The following FMNL2 variants were observed in gnomAD, a reference collection of about 807,000 sequenced individuals.
The protein encoded by FMNL2 is formin-like protein 2.
FMNL2 carries 51 observed loss-of-function variants against 130.2 expected under a neutral mutation model. The observed-to-expected ratio is 0.39, with a 90% CI of 0.31 to 0.49. The LOEUF is 0.49. FMNL2 is among the 20% of genes least tolerant of loss of function. The pLI, the probability that FMNL2 is intolerant of heterozygous loss-of-function variation, is 0.85. For synonymous variants in FMNL2, 465 were observed against 467.1 expected, an observed-to-expected ratio of 1.00 and a Z score of 0.06; for missense variants, 977 against 1,316.2, an observed-to-expected ratio of 0.74 and a Z score of 3.99.
intron 1 of FMNL2, among the ~76,000 whole-genome samples, chr2:152,472,422 G>T (rs916190425): frequency 1.3e-5 from 2 of 152,038 alleles, no homozygotes; most frequent in Non-Finnish European, 2.9e-5. Flanking sequence ...TCTTTTAAAA[G>T]AACTCATTTT....
chr2:152,646,343 ACC>A lies in FMNL2; in HGVS notation c.3170-1447_3170-1446del, dbSNP rs5835441. Among the ~76,000 whole-genome samples, 35 of 150,536 alleles carry A rather than the reference ACC, an allele frequency of 2.3e-4. No individual in the cohort carries two copies. The East Asian group carries it at 5.6e-3, about 24-fold the overall frequency. On this transcript the variant is annotated intron_variant, in intron 25 of 25. Coordinates refer to ENST00000288670, the MANE Select transcript of FMNL2 (RefSeq NM_052905.4). ...TGTCCTCCCCTCACAACCCCCGCCC[ACC>A]CCCCCAGAAAAGAGTAGGGCAGGGT...
At chr2:152,469,852 C>T (rs1299254490) in intron 1 of FMNL2, among the ~76,000 whole-genome samples, 3 of 152,006 alleles carry the variant, frequency 2.0e-5, no homozygotes, top group Admixed American at 6.6e-5. Context: ...AGCATTATGC[C>T]GTCATAGAGA....
At chr2:152,455,326 G>GAATCA (rs1250249174) in intron 1 of FMNL2, among the ~76,000 whole-genome samples, 1 of 152,148 alleles carries the variant, frequency 6.6e-6, no homozygotes, top group Non-Finnish European at 1.5e-5. Flanking sequence ...GAAGGAAATG[G>GAATCA]AATCAAATCA....
At chr2:152,631,762 T>C (rs936750220) in intron 20 of FMNL2, among the ~76,000 whole-genome samples, 4 of 152,214 alleles carry the variant, frequency 2.6e-5, no homozygotes, top group Non-Finnish European at 5.9e-5. Flanking sequence ...GAATCATTCT[T>C]AGGTGCTTAG....
chr2:152,504,497 G>T (rs558493018), intron 1 of FMNL2, among the ~76,000 whole-genome samples: 10 of 151,520 alleles, frequency 6.6e-5, no homozygotes. Flanking sequence ...CGCCTGCTTC[G>T]GCCTCCCAAA....
chr2:152,497,762 T>G (rs1278150467), intron 1 of FMNL2, among the ~76,000 whole-genome samples: 1 of 152,228 alleles, frequency 6.6e-6, no homozygotes, highest in African/African-American at 2.4e-5. Flanking sequence ...TCATAGTTTC[T>G]GTGGGTCAGG....
Position 152,618,990 on chromosome 2 carries a change from G to A in FMNL2, c.1459G>A (p.Gly487Arg). The stretch of plus-strand genomic sequence containing the variant: ...AGGGACCATTAAAATTCAGAAGAAA[G>A]GGGATGGGGATATCGCCATACTGCC... The part of the protein sequence containing the change: ...KQGTIKIQKK[G>R]DGDIAILPVV... Residue 487 changes from glycine to arginine, a missense_variant, in exon 14 of 26, where the codon GGG becomes AGG. Gly to Arg is a moderately radical substitution (Grantham distance 125). Around this residue, in one of 4 missense-constraint regions of FMNL2, gnomAD observed 689 missense variants for 995.9 expected, o/e 0.69. Transcript: ENST00000288670. 1 of 1,614,068 alleles carries A rather than the reference G, an allele frequency of 6.2e-7. No individual in the cohort carries two copies. The highest frequency in any genetic ancestry group is 8.5e-7 in the Non-Finnish European group (1 of 1,179,908).
intron 1 of FMNL2, among the ~76,000 whole-genome samples, chr2:152,366,561 C>T (rs1683564462): frequency 1.3e-5 from 2 of 152,168 alleles, no homozygotes; most frequent in South Asian, 4.1e-4. Context: ...GCTCCTGATG[C>T]TGGATTAATT....
chr2:152,584,843 T>C (rs1205057405), intron 9 of FMNL2, among the ~76,000 whole-genome samples: 1 of 152,246 alleles, frequency 6.6e-6, no homozygotes, highest in Non-Finnish European at 1.5e-5. Context: ...AAAATCTTGC[T>C]ACAAATCTTG....
At chr2:152,614,606 G>T (rs2105878161) in intron 11 of FMNL2, among the ~76,000 whole-genome samples, 1 of 152,308 alleles carries the variant, frequency 6.6e-6, no homozygotes, top group African/African-American at 2.4e-5. Flanking sequence ...AGCTGGGTGT[G>T]GTGGCGCGTG....
chr2:152,398,098 C>A (rs948967489), intron 1 of FMNL2, among the ~76,000 whole-genome samples: 23 of 152,200 alleles, frequency 1.5e-4, no homozygotes, highest in African/African-American at 5.5e-4. Flanking sequence ...GCACTCCAGC[C>A]TGGGCAACAG....
intron 1 of FMNL2, among the ~76,000 whole-genome samples, chr2:152,417,399 T>G (rs567539935): frequency 1.3e-5 from 2 of 152,340 alleles, no homozygotes; most frequent in South Asian, 4.1e-4. Context: ...TTCTGTCAGC[T>G]GAATCTGCTG....
chr2:152,484,389 C>T (rs1690698321), intron 1 of FMNL2, among the ~76,000 whole-genome samples: 1 of 151,846 alleles, frequency 6.6e-6, no homozygotes, highest in Non-Finnish European at 1.5e-5. Context: ...CCTGTAATTC[C>T]AGCACTTTGG....
chr2:152,523,258 A>G (rs1397448351), intron 2 of FMNL2, among the ~76,000 whole-genome samples: 1 of 152,214 alleles, frequency 6.6e-6, no homozygotes, highest in East Asian at 1.9e-4. Context: ...CCATATGGAC[A>G]TGGTGAATCA....
chr2:152,598,643 T>C (rs1179860611), intron 9 of FMNL2, among the ~76,000 whole-genome samples: 5 of 152,194 alleles, frequency 3.3e-5, no homozygotes, highest in Admixed American at 6.5e-5. Flanking sequence ...TGAGCCAAGA[T>C]TGCGCCACTG....
chr2:152,636,679 C>T (rs1682636122), intron 22 of FMNL2, 89 bp downstream of exon 22: 3 of 1,404,652 alleles, frequency 2.1e-6, no homozygotes, highest in Middle Eastern at 5.1e-4. Context: ...GAGAAATGTT[C>T]CATTTCCCTC....
At chr2:152,432,097 G>A (rs974434546) in intron 1 of FMNL2, among the ~76,000 whole-genome samples, 1 of 150,798 alleles carries the variant, frequency 6.6e-6, no homozygotes, top group African/African-American at 2.4e-5. Context: ...TTTATGAAAT[G>A]TGGTTTATGT....
intron 10 of FMNL2, among the ~76,000 whole-genome samples, chr2:152,608,012 G>T (rs1234777848): frequency 6.6e-6 from 1 of 152,038 alleles, no homozygotes; most frequent in Non-Finnish European, 1.5e-5. Context: ...TGTCATTCTC[G>T]GGTAAGAACA....
intron 13 of FMNL2, among the ~76,000 whole-genome samples, chr2:152,618,140 C>T (rs936835111): frequency 2.6e-5 from 4 of 151,982 alleles, no homozygotes; most frequent in East Asian, 1.9e-4. Context: ...CTCTATGGGC[C>T]CCCCCCTTAT....
Sources: allele counts gnomAD v4.1 joint callset (sites outside exome capture counted in the v4.1 genomes callset), GRCh38; gene constraint gnomAD v4.1.1; regional missense constraint gnomAD v4.1.1; transcripts MANE v1.5; gene names NCBI Gene and HGNC (gene_info 2026-07-23, HGNC 2026-07-21).